SH2D3C: variants seen among roughly 807,000 people sequenced by gnomAD.
SH2D3C encodes SH2 domain containing 3C, also known as SH2 domain-containing protein 3C.
A neutral mutation model predicts 75.2 loss-of-function variants in SH2D3C; 25 were observed. The observed-to-expected ratio is 0.33, with a 90% CI of 0.24 to 0.46. The LOEUF is 0.46. SH2D3C is among the 20% of genes least tolerant of loss of function. The probability of loss-of-function intolerance (pLI) is 1.00; values close to 1 mark genes in which losing one functional copy is unlikely to be tolerated. For missense variants in SH2D3C, 933 were observed against 1,165.3 expected, an observed-to-expected ratio of 0.80 and a Z score of 2.90; for synonymous variants, 450 against 473.7, an observed-to-expected ratio of 0.95 and a Z score of 0.65.
intron 3 of SH2D3C, among the ~76,000 whole-genome samples, chr9:127,758,372 A>C (rs1845447106): frequency 6.8e-6 from 1 of 147,498 alleles, no homozygotes; most frequent in African/African-American, 2.7e-5. Flanking sequence ...TTATTTTACA[A>C]TGTTAAAAAA....
At chr9:127,775,589 T>C (rs1465638364) in intron 1 of SH2D3C, among the ~76,000 whole-genome samples, 1 of 151,728 alleles carries the variant, frequency 6.6e-6, no homozygotes, top group African/African-American at 2.4e-5. Flanking sequence ...ATTGCACCAT[T>C]GCACTCCAGC....
At chr9:127,743,120 ACT>A (rs1345294828) in intron 7 of SH2D3C, among the ~76,000 whole-genome samples, 156 bp from the exon 8 acceptor site, 4 of 152,060 alleles carry the variant, frequency 2.6e-5, no homozygotes, top group Non-Finnish European at 4.4e-5. Flanking sequence ...GGAGCAAGTG[ACT>A]CTGCCTTTCT....
rs377330193 is a variant in SH2D3C, at chr9:127,741,660, G to A, written c.2088+128C>T. On this transcript the variant is annotated intron_variant, in intron 9 of 11. Transcript: ENST00000314830. ...GGCACTTGCAGAACTCAGTTCTCCC[G>A]GGTAGTCTCACCAATTCTGCCTAGA... 22 of 1,155,488 alleles carry A rather than the reference G, an allele frequency of 1.9e-5. 1 individual carries two copies. Among genetic ancestry groups the A allele is most frequent in the Middle Eastern group, 5.5e-4 (2 of 3,606 alleles). The allele number at this position is 1,155,488 out of a possible 1,614,324, so 71.6% of individuals were successfully genotyped here. A position where few individuals can be genotyped will look rare whatever the true frequency, so the allele number is the denominator to read the frequency against.
rs1418825362 is a variant in SH2D3C, at chr9:127,738,785, G to A, written c.2544C>T (p.Ser848=). The change falls in exon 12 of 12, where the codon TCC becomes TCT. Residue 848 remains serine, a synonymous_variant. Transcript: ENST00000314830. This position sits in a 1 kb window ranked among gnomAD's most constrained non-coding sequence, Gnocchi z 5.0. ...AGCGGACAGCAGGTTCCAGCTTGTG[G>A]GACAGGGCAGTGAGGACCTTGTCGA... ...EKFDKVLTAL[S]HKLEPAVRSS... 1 of 1,609,274 alleles carries A rather than the reference G, an allele frequency of 6.2e-7. No homozygotes were observed. Among genetic ancestry groups the A allele is most frequent in the African/African-American group, 1.3e-5 (1 of 74,986 alleles).
At position 127,774,192 on chromosome 9, in the gene SH2D3C, T is replaced by G; in HGVS notation, c.313A>C (p.Asn105His). Residue 105 changes from asparagine to histidine, a missense_variant, in exon 2 of 12, where the codon AAC becomes CAC. By Grantham distance (68) the Asn-to-His change is moderately conservative (BLOSUM62 1). Coordinates refer to ENST00000314830, the MANE Select transcript of SH2D3C (RefSeq NM_170600.3). The surrounding 1 kb of genome is among the most constrained non-coding windows in gnomAD (Gnocchi z 4.3). ...TCGGGTACACCTCCGGGTACCAAGT[T>G]GGGCTTGGGACCCGCCTCCTGGGCC... is the stretch of plus-strand genomic sequence containing the variant. ...RQAQEAGPKP[N>H]LVPGGVPDPP... 6.2e-7 allele frequency: 1 copy of G among 1,613,912 alleles called. No individual in the cohort carries two copies. The highest frequency in any genetic ancestry group is 8.5e-7 in the Non-Finnish European group (1 of 1,179,942).
chr9:127,742,828 C>T (rs1223588001), intron 8 of SH2D3C, 21 bp downstream of exon 8: 6 of 1,587,168 alleles, frequency 3.8e-6, no homozygotes, highest in Non-Finnish European at 5.2e-6. Flanking sequence ...CGCGAGTCCC[C>T]GGGTGCCGGC....
At position 127,739,578 on chromosome 9, in the gene SH2D3C, G is replaced by A. The variant is rs1844787000; in HGVS notation, c.2407+104C>T. On this transcript the variant is annotated intron_variant, in intron 11 of 11. Coordinates refer to ENST00000314830, the MANE Select transcript of SH2D3C (RefSeq NM_170600.3). This position sits in a 1 kb window ranked among gnomAD's most constrained non-coding sequence, Gnocchi z 4.3. ...GTCAGGGAGACAGGGCAGGACAGAGGAGTGGAGAAATGTGAATGGATGCCT... is the reference window on the plus strand; with the variant it reads ...GTCAGGGAGACAGGGCAGGACAGAGAAGTGGAGAAATGTGAATGGATGCCT... The A allele has an allele frequency of 1.0e-6, 1 of 987,766 alleles. No individual in the cohort carries two copies. Among genetic ancestry groups the A allele is most frequent in the African/African-American group, 1.6e-5 (1 of 62,254 alleles). 61.2% of individuals were successfully genotyped at this position (987,766 alleles called of 1,614,324 possible).
rs554523510 is a variant in SH2D3C at position 127,739,403 on chromosome 9, G to A, written c.2407+279C>T. ...CTCACGCCTGTAATTGCAGCTACTC[G>A]GGAGGCTGAGGCAGGAGAATCGCTT... On this transcript the variant is annotated intron_variant, in intron 11 of 11. Coordinates refer to ENST00000314830, the MANE Select transcript of SH2D3C (RefSeq NM_170600.3). The surrounding 1 kb of genome is among the most constrained non-coding windows in gnomAD (Gnocchi z 4.3). Among the ~76,000 whole-genome samples, 6 of 152,206 alleles carry A rather than the reference G, an allele frequency of 3.9e-5. No homozygotes were observed. The highest frequency in any genetic ancestry group is 1.9e-4 in the East Asian group (1 of 5,174).
chr9:127,766,381 A>G (rs1588520830), intron 2 of SH2D3C, among the ~76,000 whole-genome samples: 1 of 152,310 alleles, frequency 6.6e-6, no homozygotes, highest in East Asian at 1.9e-4. Context: ...CGTCATCTGT[A>G]AAGTGGGCAC....
rs1171921395 is a variant in SH2D3C, at chr9:127,774,011, G to A, written c.494C>T (p.Pro165Leu). 1.9e-6 allele frequency: 3 copies of A among 1,612,430 alleles called. No individual in the cohort carries two copies. The highest frequency in any genetic ancestry group is 1.7e-6 in the Non-Finnish European group (2 of 1,178,542). ...CTACCTTTCTGAGTGCACGTCCCTGGGAGGTCTCTCCTCTTCTACGTCTCC... is the reference window on the plus strand; with the variant it reads ...CTACCTTTCTGAGTGCACGTCCCTGAGAGGTCTCTCCTCTTCTACGTCTCC... Reference protein sequence around the residue: ...PTGDVEEERPPRDVHSERAAG... With the variant: ...PTGDVEEERPLRDVHSERAAG... The change falls in exon 2 of 12, where the codon CCC becomes CTC. Residue 165 changes from proline (P) to leucine (L), a missense_variant. Coordinates refer to ENST00000314830, the MANE Select transcript of SH2D3C (RefSeq NM_170600.3). This position sits in a 1 kb window ranked among gnomAD's most constrained non-coding sequence, Gnocchi z 4.3.
At chr9:127,746,550 C>G (rs927437403) in intron 6 of SH2D3C, among the ~76,000 whole-genome samples, 4 of 152,230 alleles carry the variant, frequency 2.6e-5, no homozygotes, top group African/African-American at 9.6e-5. Flanking sequence ...TGCCTGTAAT[C>G]CCAGCACTTT....
chr9:127,743,025 A>C, intron 7 of SH2D3C, 61 bp from the exon 8 acceptor site: 6 of 1,301,606 alleles, frequency 4.6e-6, no homozygotes, highest in Non-Finnish European at 6.6e-6. Flanking sequence ...GCCATCTGGG[A>C]GTCAGAGAGC....
intron 3 of SH2D3C, among the ~76,000 whole-genome samples, chr9:127,760,509 G>A (rs1226065763): frequency 6.6e-6 from 1 of 151,908 alleles, no homozygotes; most frequent in African/African-American, 2.4e-5. Context: ...TGGGTTGATG[G>A]GTGCAGCAAA....
intron 3 of SH2D3C, chr9:127,755,036 T>C (rs1845331564): frequency 3.0e-6 from 3 of 987,172 alleles, no homozygotes; most frequent in Non-Finnish European, 3.8e-6. Context: ...CGGCCGGGGG[T>C]CCCAGCCCGG....
chr9:127,759,373 G>A (rs993051920), intron 3 of SH2D3C, among the ~76,000 whole-genome samples: 1 of 152,108 alleles, frequency 6.6e-6, no homozygotes, highest in African/African-American at 2.4e-5. Context: ...GTGCCACCAC[G>A]CCTGGCTAAT....
In SH2D3C at chr9:127,742,041, G is replaced by A. The variant is rs1218423206; in HGVS notation, c.1917-82C>T. ...GGCCTGGGGCGCTGCCTGTGGTTGG[G>A]CCGGGAGAGGCGGAGGGCGGAGCCA... On this transcript the variant is annotated intron_variant, in intron 8 of 11. Transcript: ENST00000314830. 3.7e-6 allele frequency: 5 copies of A among 1,369,626 alleles called. No individual in the cohort carries two copies. In the Admixed American group the frequency reaches 7.3e-5, roughly 20 times the overall value. The allele number at this position is 1,369,626 out of a possible 1,614,324, so 84.8% of individuals were successfully genotyped here.
Position 127,751,322 on chromosome 9 carries a change from T to G in SH2D3C, c.556-22A>C, listed in dbSNP as rs1304640234. The G allele has an allele frequency of 1.2e-6, 2 of 1,612,018 alleles. No homozygotes were observed. Among genetic ancestry groups the G allele is most frequent in the East Asian group, 2.2e-5 (1 of 44,872 alleles). On this transcript the variant is annotated intron_variant, in intron 3 of 11. Coordinates refer to ENST00000314830, the MANE Select transcript of SH2D3C (RefSeq NM_170600.3). The surrounding 1 kb of genome is among the most constrained non-coding windows in gnomAD (Gnocchi z 4.1). ...AGAACTGGGTAGAAAACAGCAAGAG[T>G]TGGCATCCAACTTAAAGTCTCCTTC...
At chr9:127,745,446 A>C (rs1296544686) in intron 6 of SH2D3C, among the ~76,000 whole-genome samples, 1 of 148,708 alleles carries the variant, frequency 6.7e-6, no homozygotes, top group African/African-American at 2.5e-5. Flanking sequence ...AATTAGCAAT[A>C]ATGATTTCCT....
At chr9:127,746,953 A>G (rs917424813) in intron 6 of SH2D3C, among the ~76,000 whole-genome samples, 194 bp downstream of exon 6, 1 of 152,356 alleles carries the variant, frequency 6.6e-6, no homozygotes, top group South Asian at 2.1e-4. Context: ...AATAGTTGCT[A>G]AATAAACAAA....
Sources: gnomAD v4.1 joint callset for allele counts (sites outside exome capture counted in the v4.1 genomes callset) on GRCh38, gnomAD v4.1.1 for gene constraint, Gnocchi (gnomAD v3.1) non-coding constraint, MANE v1.5 for transcripts, NCBI Gene and HGNC (gene_info 2026-07-23, HGNC 2026-07-21) for gene names.